Variants in CRTC1 observed in about 807,000 individuals in gnomAD.
CRTC1 encodes CREB-regulated transcription coactivator 1.
Under a neutral mutation model 66.1 loss-of-function variants are expected in CRTC1, and 18 were observed. That is an observed-to-expected ratio of 0.27 (90% CI 0.19 to 0.40). CRTC1 has a LOEUF of 0.40. CRTC1 is among the 10% of genes least tolerant of loss of function. CRTC1 has a pLI of 1.00. For synonymous variants in CRTC1, 416 were observed against 398.8 expected (o/e 1.04, Z -0.51); for missense variants, 669 against 887.9 (o/e 0.75, Z 3.13).
chr19:18,740,775 G>A (rs1431840309), intron 1 of CRTC1, among the ~76,000 whole-genome samples: 2 of 152,094 alleles, frequency 1.3e-5, no homozygotes, highest in African/African-American at 2.4e-5. Context: ...AGGCCGAGGC[G>A]GGTGGATCAC....
Position 18,768,729 on chromosome 19 carries a change from C to CCT in CRTC1, c.1262_1263dup (p.Pro422SerfsTer90). 6.3e-7 allele frequency: 1 copy of CCT among 1,598,722 alleles called. No individual in the cohort carries two copies. The highest frequency in any genetic ancestry group is 8.5e-7 in the Non-Finnish European group (1 of 1,173,910). ...CCCCCGCTTGCAGTCACGGTACCGT[C>CCT]CTCTCTCCCCCAGTCCCCCCCAGAG... is the stretch of plus-strand genomic sequence containing the variant. On this transcript the variant is annotated frameshift_variant, in exon 10 of 14. Coordinates refer to ENST00000321949, the MANE Select transcript of CRTC1 (RefSeq NM_015321.3). LOFTEE classifies it high-confidence loss of function. The surrounding 1 kb of genome is among the most constrained non-coding windows in gnomAD (Gnocchi z 5.6).
At chr19:18,720,108 A>G (rs185415952) in intron 1 of CRTC1, among the ~76,000 whole-genome samples, 1 of 152,302 alleles carries the variant, frequency 6.6e-6, no homozygotes, top group East Asian at 1.9e-4. Context: ...CCAGAACACA[A>G]GTGTGCACCA....
chr19:18,766,870 A>T (rs1390014865), intron 9 of CRTC1, among the ~76,000 whole-genome samples: 2 of 152,346 alleles, frequency 1.3e-5, no homozygotes, highest in African/African-American at 2.4e-5. Flanking sequence ...TGAGTTAGGA[A>T]TGTTCACTTC....
intron 11 of CRTC1, among the ~76,000 whole-genome samples, chr19:18,773,507 T>TC (rs1454316952): frequency 6.6e-6 from 1 of 151,920 alleles, no homozygotes; most frequent in Non-Finnish European, 1.5e-5. Context: ...TCAGGCGCTG[T>TC]CCTGGAAGCC....
intron 1 of CRTC1, among the ~76,000 whole-genome samples, chr19:18,698,887 AGT>A (rs967206974): frequency 2.0e-5 from 3 of 151,508 alleles, no homozygotes; most frequent in Non-Finnish European, 4.4e-5. Flanking sequence ...CAGTAGGCGC[AGT>A]GTGTGCTCTG....
chr19:18,690,843 G>A (rs1056988131), intron 1 of CRTC1, among the ~76,000 whole-genome samples: 1 of 151,840 alleles, frequency 6.6e-6, no homozygotes, highest in Middle Eastern at 3.2e-3. Context: ...GGCTAACATG[G>A]TGAAGCCCCG....
Position 18,768,850 on chromosome 19 carries a change from C to G in CRTC1, c.1320+57C>G, listed in dbSNP as rs908280945. ...ACTGGGGGTCTTGTAGAGGACAGCCCGGGGGCTGCAGAACAGTCGGGTTAC... is the reference window on the plus strand; with the variant it reads ...ACTGGGGGTCTTGTAGAGGACAGCCGGGGGGCTGCAGAACAGTCGGGTTAC... On this transcript the variant is annotated intron_variant, in intron 10 of 13. Coordinates refer to ENST00000321949, the MANE Select transcript of CRTC1 (RefSeq NM_015321.3). This position sits in a 1 kb window ranked among gnomAD's most constrained non-coding sequence, Gnocchi z 5.6. 3 of 1,525,568 alleles carry G rather than the reference C, an allele frequency of 2.0e-6. No individual in the cohort carries two copies. Among genetic ancestry groups the G allele is most frequent in the Non-Finnish European group, 2.6e-6 (3 of 1,136,836 alleles). The allele number at this position is 1,525,568 out of a possible 1,614,324, so 94.5% of individuals were successfully genotyped here.
chr19:18,765,324 T>C lies in CRTC1; in HGVS notation c.887-80T>C, dbSNP rs555725826. On this transcript the variant is annotated intron_variant, in intron 8 of 13. Transcript: ENST00000321949. ...GAGCAGTTGAGCTATTCCCATGCAG[T>C]GTGACTGTGGGTGTGTAAGCAGCCC... is the stretch of plus-strand genomic sequence containing the variant. 37 of 1,529,966 alleles carry C rather than the reference T, an allele frequency of 2.4e-5. No homozygotes were observed. In the African/African-American group the frequency reaches 5.0e-4, roughly 21 times the overall value. 94.8% of individuals were successfully genotyped at this position (1,529,966 alleles called of 1,614,324 possible).
chr19:18,779,792 A>G lies in CRTC1; in HGVS notation c.*2410A>G, dbSNP rs577021858. On this transcript the variant is annotated 3_prime_UTR_variant, in exon 14 of 14. Coordinates refer to ENST00000321949, the MANE Select transcript of CRTC1 (RefSeq NM_015321.3). ...TGTGTTAACGTGACGACCTTGGTCC[A>G]TTATGGAGTTCTTTTTCCAATAAGA... is the stretch of plus-strand genomic sequence containing the variant. 5 of 223,836 alleles carry G rather than the reference A, an allele frequency of 2.2e-5. No homozygotes were observed. The highest frequency in any genetic ancestry group is 1.8e-4 in the South Asian group (1 of 5,428). 13.9% of individuals were successfully genotyped at this position (223,836 alleles called of 1,614,324 possible).
At chr19:18,709,998 G>C (rs550957225) in intron 1 of CRTC1, among the ~76,000 whole-genome samples, 6 of 152,086 alleles carry the variant, frequency 3.9e-5, no homozygotes, top group African/African-American at 9.7e-5. Context: ...GCTCTCTTGA[G>C]GCTCTGAGCC....
intron 1 of CRTC1, among the ~76,000 whole-genome samples, chr19:18,708,751 C>T (rs1227944455): frequency 6.6e-6 from 1 of 152,198 alleles, no homozygotes; most frequent in Non-Finnish European, 1.5e-5. Flanking sequence ...CCTTCCCTTC[C>T]CACCGCCGTT....
Position 18,724,621 on chromosome 19 carries a change from G to C in CRTC1, c.127-18289G>C, listed in dbSNP as rs548923999. Among the ~76,000 whole-genome samples, 108 of 150,830 alleles carry C rather than the reference G, an allele frequency of 7.2e-4. 1 individual carries two copies. The highest frequency in any genetic ancestry group is 2.6e-3 in the African/African-American group (105 of 40,990). On this transcript the variant is annotated intron_variant, in intron 1 of 13. Transcript: ENST00000321949. ...CCTCTTCCAGCTTTCAGTGGCTCCAGCCGTTCCTTGGCTTGTGGCTGCATC... is the reference window on the plus strand; with the variant it reads ...CCTCTTCCAGCTTTCAGTGGCTCCACCCGTTCCTTGGCTTGTGGCTGCATC...
rs142135691 is a variant in CRTC1, at chr19:18,724,089, G to A, written c.127-18821G>A. Among the ~76,000 whole-genome samples the A allele has an allele frequency of 1.4e-3, 213 of 152,294 alleles. 1 individual carries two copies. Among genetic ancestry groups the A allele is most frequent in the African/African-American group, 4.6e-3 (192 of 41,564 alleles). On this transcript the variant is annotated intron_variant, in intron 1 of 13. Transcript: ENST00000321949. ...TCATGGGAGTTGAGAGAGCGACACCGTGAGCCCAGGCTTGTTCCCTGGGCT... is the reference window on the plus strand; with the variant it reads ...TCATGGGAGTTGAGAGAGCGACACCATGAGCCCAGGCTTGTTCCCTGGGCT...
rs2055011336 is a variant in CRTC1, at chr19:18,777,269, G to A, written c.1792G>A (p.Asp598Asn). 1 of 1,612,426 alleles carries A rather than the reference G, an allele frequency of 6.2e-7. No homozygotes were observed. The highest frequency in any genetic ancestry group is 8.5e-7 in the Non-Finnish European group (1 of 1,179,936). ...CGACTCCGACAGCCAGTTTCCCCTG[G>A]ACGAACTCAAGATCGACCCCCTGAC... Reference protein sequence around the residue: ...SFDSDSQFPLDELKIDPLTLD... With the variant: ...SFDSDSQFPLNELKIDPLTLD... Residue 598 changes from aspartate (D) to asparagine (N), a missense_variant, in exon 14 of 14, where the codon GAC (aspartate) becomes AAC (asparagine). Around this residue, in one of 8 missense-constraint regions of CRTC1, gnomAD observed 91 missense variants for 99.1 expected, o/e 0.92. Coordinates refer to ENST00000321949, the MANE Select transcript of CRTC1 (RefSeq NM_015321.3). This position sits in a 1 kb window ranked among gnomAD's most constrained non-coding sequence, Gnocchi z 5.5.
intron 1 of CRTC1, among the ~76,000 whole-genome samples, chr19:18,695,754 A>G (rs1280775746): frequency 6.6e-6 from 1 of 152,002 alleles, no homozygotes; most frequent in Non-Finnish European, 1.5e-5. Flanking sequence ...GGTCCCAGCT[A>G]CTCGGGAGGG....
At chr19:18,692,047 C>A (rs2052854002) in intron 1 of CRTC1, among the ~76,000 whole-genome samples, 1 of 152,068 alleles carries the variant, frequency 6.6e-6, no homozygotes, top group South Asian at 2.1e-4. Context: ...CAATCCATAC[C>A]CGAACACTGA....
At chr19:18,715,972 C>T (rs1348337158) in intron 1 of CRTC1, among the ~76,000 whole-genome samples, 5 of 152,166 alleles carry the variant, frequency 3.3e-5, no homozygotes, top group African/African-American at 9.7e-5. Context: ...GACAGGTGTA[C>T]GCTTATGTGC....
intron 1 of CRTC1, among the ~76,000 whole-genome samples, chr19:18,697,727 G>A (rs1488709845): frequency 6.6e-6 from 1 of 152,226 alleles, no homozygotes; most frequent in Non-Finnish European, 1.5e-5. Context: ...CTGGAATGGG[G>A]CCTGGCATAG....
intron 1 of CRTC1, among the ~76,000 whole-genome samples, chr19:18,711,034 G>A (rs528518435): frequency 2.9e-4 from 44 of 152,228 alleles, no homozygotes; most frequent in Non-Finnish European, 5.7e-4. Flanking sequence ...AGCTGATGGG[G>A]AGTCTGCTGT....
Sources: allele counts gnomAD v4.1 joint callset (sites outside exome capture counted in the v4.1 genomes callset), GRCh38; gene constraint gnomAD v4.1.1; regional missense constraint gnomAD v4.1.1; non-coding constraint Gnocchi (gnomAD v3.1); transcripts MANE v1.5; gene names NCBI Gene and HGNC (gene_info 2026-07-23, HGNC 2026-07-21).